Variants in LRBA observed in about 807,000 individuals in gnomAD.
LRBA encodes LPS responsive beige-like anchor protein, also known as lipopolysaccharide-responsive and beige-like anchor protein.
A neutral mutation model predicts 330.0 loss-of-function variants in LRBA; 176 were observed. That is an observed-to-expected ratio of 0.53 (90% CI 0.47 to 0.60). The LOEUF (loss-of-function observed/expected upper bound fraction) is 0.60. Among genes scored for constraint, LRBA ranks in the 20% least tolerant of loss-of-function variants. The pLI is 0.00. For missense variants in LRBA, 3,259 were observed against 3,444.8 expected (o/e 0.95, Z 1.35); for synonymous variants, 1,230 against 1,193.0 (o/e 1.03, Z -0.64).
intron 36 of LRBA, among the ~76,000 whole-genome samples, chr4:150,731,618 C>G (rs1049105089): frequency 6.6e-6 from 1 of 152,070 alleles, no homozygotes; most frequent in African/African-American, 2.4e-5. Flanking sequence ...TTCAGTTGAA[C>G]TCTGAACAAT....
At chr4:150,988,879 C>T (rs1741754031) in intron 2 of LRBA, among the ~76,000 whole-genome samples, 2 of 151,538 alleles carry the variant, frequency 1.3e-5, no homozygotes, top group Admixed American at 1.3e-4. Flanking sequence ...GCCCAGCCAT[C>T]AGATTTTATG....
intron 47 of LRBA, among the ~76,000 whole-genome samples, chr4:150,369,498 T>A (rs1739947609): frequency 6.6e-6 from 1 of 152,128 alleles, no homozygotes; most frequent in Non-Finnish European, 1.5e-5. Context: ...AACCTTTGGC[T>A]GAGACCCACT....
chr4:150,562,340 A>C (rs765246321), intron 40 of LRBA, among the ~76,000 whole-genome samples: 4 of 152,214 alleles, frequency 2.6e-5, no homozygotes, highest in Non-Finnish European at 5.9e-5. Flanking sequence ...ATATACATAC[A>C]TACATATATA....
chr4:150,766,928 G>A (rs907605745), intron 34 of LRBA, among the ~76,000 whole-genome samples: 3 of 152,014 alleles, frequency 2.0e-5, no homozygotes, highest in Non-Finnish European at 2.9e-5. Flanking sequence ...ACTTCCTAAG[G>A]CCATAATTGT....
At chr4:150,468,139 C>CT (rs562695770) in intron 43 of LRBA, among the ~76,000 whole-genome samples, 18 of 151,868 alleles carry the variant, frequency 1.2e-4, no homozygotes, top group South Asian at 8.3e-4. Flanking sequence ...ATAAAATACT[C>CT]TTTTTTTTAT....
intron 22 of LRBA, among the ~76,000 whole-genome samples, chr4:150,865,531 T>C (rs1440194686): frequency 6.6e-6 from 1 of 152,138 alleles, no homozygotes; most frequent in Non-Finnish European, 1.5e-5. Flanking sequence ...AACAAAGCCA[T>C]TTTATAAAAT....
intron 29 of LRBA, 111 bp downstream of exon 29, chr4:150,831,706 C>A: frequency 1.3e-6 from 1 of 770,290 alleles, no homozygotes; most frequent in East Asian, 3.1e-5. Context: ...GTATGCTCTC[C>A]CTTAATTTGC....
chr4:150,595,540 G>A (rs998041560), intron 38 of LRBA, among the ~76,000 whole-genome samples: 1 of 151,950 alleles, frequency 6.6e-6, no homozygotes, highest in East Asian at 1.9e-4. Flanking sequence ...AAATAAAAAT[G>A]TCTTGAATTC....
intron 2 of LRBA, among the ~76,000 whole-genome samples, chr4:150,961,431 C>G (rs1738135821): frequency 6.7e-6 from 1 of 149,004 alleles, no homozygotes; most frequent in Non-Finnish European, 1.5e-5. Flanking sequence ...AAAGCTAAGA[C>G]AGAAGAAACA....
chr4:150,648,872 C>T (rs1432397624), intron 37 of LRBA, among the ~76,000 whole-genome samples: 1 of 152,020 alleles, frequency 6.6e-6, no homozygotes, highest in Non-Finnish European at 1.5e-5. Context: ...TCCACATAAT[C>T]AAATTTCTTA....
chr4:150,423,406 T>C, intron 46 of LRBA: 1 of 632,784 alleles, frequency 1.6e-6, no homozygotes, highest in Non-Finnish European at 2.8e-6. Flanking sequence ...GTCCCTTCCT[T>C]CTGCGCTTCT....
At chr4:150,818,334 G>C (rs553653834) in intron 30 of LRBA, among the ~76,000 whole-genome samples, 1 of 152,034 alleles carries the variant, frequency 6.6e-6, no homozygotes, top group Admixed American at 6.6e-5. Context: ...GGTCTCTTGT[G>C]CTAGGCATGG....
In LRBA at chr4:150,905,922, A is replaced by T; in HGVS notation, c.1671T>A (p.Asn557Lys). The change falls in exon 13 of 57, where the codon AAT (asparagine) becomes AAA (lysine). Residue 557 changes from asparagine (N) to lysine (K), a missense_variant. By Grantham distance (94) the Asn-to-Lys change is moderately conservative. Coordinates refer to ENST00000651943, the MANE Select transcript of LRBA (RefSeq NM_001364905.1). ...TGAGCAGGGGCATCCCATTCTGCAG[A>T]TTACTCAGATATTTTGAAAATGCAA... ...LCLAFSKYLS[N>K]LQNGMPLLKQ... 1 of 1,613,696 alleles carries T rather than the reference A, an allele frequency of 6.2e-7. No homozygotes were observed. The highest frequency in any genetic ancestry group is 8.5e-7 in the Non-Finnish European group (1 of 1,179,646).
In LRBA at chr4:150,900,062, G is replaced by A; in HGVS notation, c.1911C>T (p.Thr637=). ...AVNPQDRSGI[T]PKGLDGPRPN... is the part of the protein sequence containing the mutation. ...GAAATTATATACCTAATCCTTTTGG[G>A]GTGATACCACTTCGATCCTGAGGAT... is the stretch of plus-strand genomic sequence containing the variant. The change falls in exon 14 of 57, where the codon ACC becomes ACT. Residue 637 remains threonine, a synonymous_variant. Transcript: ENST00000651943. 6.2e-7 allele frequency: 1 copy of A among 1,611,354 alleles called. No individual in the cohort carries two copies. Among genetic ancestry groups the A allele is most frequent in the Non-Finnish European group, 8.5e-7 (1 of 1,178,100 alleles).
At chr4:150,355,522 C>T (rs1266550521) in intron 47 of LRBA, among the ~76,000 whole-genome samples, 1 of 151,988 alleles carries the variant, frequency 6.6e-6, no homozygotes, top group Non-Finnish European at 1.5e-5. Flanking sequence ...ATTCTTTATA[C>T]ACTTTTTATA....
chr4:150,459,441 TGACA>T (rs1310130273), intron 44 of LRBA, among the ~76,000 whole-genome samples: 8 of 152,084 alleles, frequency 5.3e-5, no homozygotes, highest in African/African-American at 1.9e-4. Flanking sequence ...ACCAGTTGAC[TGACA>T]GACAGATTTG....
At chr4:150,504,159 A>G (rs1182341632) in intron 40 of LRBA, among the ~76,000 whole-genome samples, 1 of 152,226 alleles carries the variant, frequency 6.6e-6, no homozygotes, top group Non-Finnish European at 1.5e-5. Context: ...CCAAGTTGGA[A>G]AACACTCTGC....
intron 34 of LRBA, among the ~76,000 whole-genome samples, chr4:150,771,035 G>C (rs977746261): frequency 5.9e-5 from 9 of 152,136 alleles, no homozygotes; most frequent in Admixed American, 1.3e-4. Flanking sequence ...GGCAGGAGGA[G>C]CCCAAAGTGG....
intron 47 of LRBA, among the ~76,000 whole-genome samples, chr4:150,399,627 C>G (rs1026831154): frequency 6.6e-6 from 1 of 152,028 alleles, no homozygotes; most frequent in Non-Finnish European, 1.5e-5. Flanking sequence ...ACATCTCAGG[C>G]GGACTCTGTT....
Sources: allele counts gnomAD v4.1 joint callset (sites outside exome capture counted in the v4.1 genomes callset), GRCh38; gene constraint gnomAD v4.1.1; transcripts MANE v1.5; gene names NCBI Gene and HGNC (gene_info 2026-07-23, HGNC 2026-07-21).